Variants in SYT16 observed in about 807,000 individuals in gnomAD.
The protein encoded by SYT16 is synaptotagmin-16.
A neutral mutation model predicts 61.4 loss-of-function variants in SYT16; 42 were observed. That is an observed-to-expected ratio of 0.68 (90% CI 0.53 to 0.89). The LOEUF is 0.89. Ranked by LOEUF, SYT16 falls within the 40% of genes least tolerant of loss-of-function variation. The pLI is 0.00. For synonymous variants in SYT16, 314 were observed against 302.3 expected, an observed-to-expected ratio of 1.04 and a Z score of -0.40; for missense variants, 804 against 807.3, an observed-to-expected ratio of 1.00 and a Z score of 0.05.
intron 1 of SYT16, among the ~76,000 whole-genome samples, chr14:61,833,396 G>A (rs1175996314): frequency 1.3e-5 from 2 of 151,332 alleles, no homozygotes; most frequent in Admixed American, 6.6e-5. Flanking sequence ...GGGTTCAAGC[G>A]ATTTTCCTGC....
intron 1 of SYT16, among the ~76,000 whole-genome samples, chr14:61,894,242 G>A (rs569685871): frequency 6.6e-6 from 1 of 151,018 alleles, no homozygotes; most frequent in East Asian, 1.9e-4. Context: ...CAGAGATTGC[G>A]CCATTGCACT....
At chr14:61,861,558 C>G (rs76466404) in intron 1 of SYT16, among the ~76,000 whole-genome samples, 1 of 152,014 alleles carries the variant, frequency 6.6e-6, no homozygotes, top group Admixed American at 6.5e-5. Flanking sequence ...GCACGTGCCA[C>G]CATGCCTGGC....
At chr14:61,851,593 A>G (rs1418654492) in intron 1 of SYT16, among the ~76,000 whole-genome samples, 1 of 152,134 alleles carries the variant, frequency 6.6e-6, no homozygotes, top group Non-Finnish European at 1.5e-5. Context: ...ACTTTTTAAT[A>G]ACAGCCATTC....
intron 3 of SYT16, among the ~76,000 whole-genome samples, chr14:62,031,914 G>A (rs550733144): frequency 2.1e-4 from 32 of 152,162 alleles, no homozygotes; most frequent in African/African-American, 6.5e-4. Context: ...ATACAGAGAC[G>A]ATGGACTTCA....
intron 4 of SYT16, among the ~76,000 whole-genome samples, chr14:62,072,805 G>A (rs1292605801): frequency 1.3e-5 from 2 of 151,996 alleles, no homozygotes; most frequent in African/African-American, 2.4e-5. Context: ...GAGAGGTTTG[G>A]GAGTATGAAA....
chr14:61,861,145 A>G (rs1372955778), intron 1 of SYT16, among the ~76,000 whole-genome samples: 3 of 152,188 alleles, frequency 2.0e-5, no homozygotes, highest in Non-Finnish European at 4.4e-5. Context: ...ACTGCTCACC[A>G]ACTGGGAGGG....
chr14:61,946,643 C>A (rs1157440758), intron 1 of SYT16, among the ~76,000 whole-genome samples: 1 of 152,114 alleles, frequency 6.6e-6, no homozygotes, highest in African/African-American at 2.4e-5. Context: ...ATGGAAATGG[C>A]AATTTTGCAT....
At chr14:62,100,298 A>T in intron 7 of SYT16, 96 bp from the exon 8 acceptor site, 1 of 1,112,656 alleles carries the variant, frequency 9.0e-7, no homozygotes. Flanking sequence ...GAAAGGAGAA[A>T]TTTGTAGCCC....
intron 1 of SYT16, among the ~76,000 whole-genome samples, chr14:61,894,327 G>C (rs1301431097): frequency 6.7e-6 from 1 of 150,202 alleles, no homozygotes; most frequent in Non-Finnish European, 1.5e-5. Flanking sequence ...TTAGGTTCTC[G>C]GTTCTCTCTC....
At chr14:62,091,047 T>C (rs1409951321) in intron 7 of SYT16, among the ~76,000 whole-genome samples, 1 of 152,090 alleles carries the variant, frequency 6.6e-6, no homozygotes, top group East Asian at 1.9e-4. Flanking sequence ...GAGCCACAAT[T>C]CAAGATGAGA....
At chr14:62,053,128 A>G (rs971460146) in intron 3 of SYT16, among the ~76,000 whole-genome samples, 1 of 152,206 alleles carries the variant, frequency 6.6e-6, no homozygotes, top group South Asian at 2.1e-4. Context: ...AAAAGAGGAG[A>G]GCTCTAGAGA....
In SYT16 at chr14:61,874,768, A is replaced by AT. The variant is rs112967075; in HGVS notation, c.-325+61976dup. On this transcript the variant is annotated intron_variant, in intron 1 of 7. Coordinates refer to ENST00000683842, the MANE Select transcript of SYT16 (RefSeq NM_001367656.1). ...ACATTTTCAGAGCCAATGCAGCAAG[A>AT]TTTTTTTTTTTTTTTTTTACATGTT... Among the ~76,000 whole-genome samples the AT allele has an allele frequency of 8.8e-3, 1,252 of 141,802 alleles. 11 individuals carry two copies. The highest frequency in any genetic ancestry group is 0.018 in the South Asian group (78 of 4,324). The allele number at this position is 141,802 out of a possible 152,430, so 93.0% of individuals were successfully genotyped here.
chr14:61,929,250 A>G (rs912375), intron 1 of SYT16, among the ~76,000 whole-genome samples: 114,030 of 152,154 alleles, frequency 0.75, 43,218 homozygotes, highest in East Asian at 0.94. Flanking sequence ...CTAACCCCTC[A>G]GGTTTGGCCG....
chr14:61,923,989 G>A (rs1183201420), intron 1 of SYT16, among the ~76,000 whole-genome samples: 1 of 152,114 alleles, frequency 6.6e-6, no homozygotes, highest in Non-Finnish European at 1.5e-5. Flanking sequence ...GTAAATCTCA[G>A]GCGAAGTTAA....
intron 7 of SYT16, among the ~76,000 whole-genome samples, chr14:62,085,765 C>T (rs953255797): frequency 5.9e-5 from 9 of 152,112 alleles, no homozygotes; most frequent in African/African-American, 9.7e-5. Flanking sequence ...TATTCTATGT[C>T]GACACTCAGA....
chr14:61,841,399 A>G (rs1392620841), intron 1 of SYT16, among the ~76,000 whole-genome samples: 2 of 152,214 alleles, frequency 1.3e-5, no homozygotes, highest in African/African-American at 2.4e-5. Flanking sequence ...ATCCTGTGTC[A>G]CTGCTTTCAT....
intron 1 of SYT16, among the ~76,000 whole-genome samples, chr14:61,894,884 T>C (rs2048272428): frequency 6.6e-6 from 1 of 152,218 alleles, no homozygotes; most frequent in Admixed American, 6.5e-5. Flanking sequence ...AATGACAGGA[T>C]ATCAAATTAC....
chr14:61,918,169 A>G (rs778113088), intron 1 of SYT16, among the ~76,000 whole-genome samples: 1 of 152,152 alleles, frequency 6.6e-6, no homozygotes, highest in African/African-American at 2.4e-5. Flanking sequence ...TTTCAAATTG[A>G]TGTATGTTGC....
chr14:61,831,811 G>A (rs374197179), intron 1 of SYT16: 1 of 309,334 alleles, frequency 3.2e-6, no homozygotes. Context: ...TAGGCATGGA[G>A]TTATAGTATG....
Sources: gnomAD v4.1 joint callset for allele counts (sites outside exome capture counted in the v4.1 genomes callset) on GRCh38, gnomAD v4.1.1 for gene constraint, MANE v1.5 for transcripts, NCBI Gene and HGNC (gene_info 2026-07-23, HGNC 2026-07-21) for gene names.